The following GRPR variants were observed in gnomAD, a reference collection of about 807,000 sequenced individuals.
GRPR encodes the protein gastrin-releasing peptide receptor.
In GRPR, 4 loss-of-function variants were observed where a neutral mutation model predicts 15.6. The ratio of observed to expected loss-of-function variants is 0.26; its 90% CI spans 0.13 to 0.59. GRPR has a LOEUF of 0.59. GRPR is among the 20% of genes least tolerant of loss of function. The probability of loss-of-function intolerance (pLI) is 0.90; values close to 1 mark genes in which losing one functional copy is unlikely to be tolerated. For synonymous variants in GRPR, 128 were observed against 126.8 expected, an observed-to-expected ratio of 1.01 and a Z score of -0.06; for missense variants, 270 against 304.1, an observed-to-expected ratio of 0.89 and a Z score of 0.83.
intron 2 of GRPR, among the ~76,000 whole-genome samples, chrX:16,150,990 A>G (rs1433126632): frequency 1.8e-5 from 2 of 112,280 alleles, no homozygotes; most frequent in East Asian, 2.8e-4. Context: ...TTTAAACTCC[A>G]GTCACATTGT....
chrX:16,138,897 T>A (rs1273210855), intron 1 of GRPR, among the ~76,000 whole-genome samples: 1 of 112,323 alleles, frequency 8.9e-6, no homozygotes, highest in Non-Finnish European at 1.9e-5. Flanking sequence ...CAAGTCCCCT[T>A]ATTTTTGTCA....
At chrX:16,149,532 T>C (rs1922656887) in intron 1 of GRPR, among the ~76,000 whole-genome samples, 1 of 109,512 alleles carries the variant, frequency 9.1e-6, no homozygotes, top group South Asian at 4.0e-4. Flanking sequence ...GTATTACTTT[T>C]TCAAGGGACC....
At position 16,124,366 on chromosome X, in the gene GRPR, G is replaced by GGTAA. The variant is rs774782387; in HGVS notation, c.413+4_413+7dup. On this transcript the variant is annotated stop_gained and frameshift_variant and splice_region_variant. Transcript: ENST00000380289. LOFTEE classifies it high-confidence loss of function. ...ACACTCACGGCGCTCTCGGCAGACA[G>GGTAA]GTAAGTACAGGCTGAAAGTTACATG... is the stretch of plus-strand genomic sequence containing the variant. 1.7e-6 allele frequency: 2 copies of GGTAA among 1,205,118 alleles called. No individual in the cohort carries two copies. Among genetic ancestry groups the GGTAA allele is most frequent in the Non-Finnish European group, 2.2e-6 (2 of 889,819 alleles).
At chrX:16,129,149 A>G (rs1261778972) in intron 1 of GRPR, among the ~76,000 whole-genome samples, 1 of 112,081 alleles carries the variant, frequency 8.9e-6, no homozygotes, top group Non-Finnish European at 1.9e-5. Context: ...AAGACTGGTT[A>G]TAAGTTTCTT....
chrX:16,152,545 G>A lies in GRPR; in HGVS notation c.1055G>A (p.Gly352Glu), dbSNP rs1307536579. ...PGLIIRSHST[G>E]RSTTCMTSLK... ...CTGATCATCCGGTCTCACAGCACTG[G>A]AAGGAGTACAACCTGCATGACCTCC... The change falls in exon 3 of 3, where the codon GGA becomes GAA. Residue 352 changes from glycine (G) to glutamate (E), a missense_variant. Gly to Glu is a moderately conservative substitution (Grantham distance 98). Coordinates refer to ENST00000380289, the MANE Select transcript of GRPR (RefSeq NM_005314.3). The A allele has an allele frequency of 2.5e-6, 3 of 1,206,630 alleles. No individual in the cohort carries two copies. In the African/African-American group the frequency reaches 5.3e-5, roughly 21 times the overall value.
At chrX:16,129,553 CCTCT>C (rs1227206133) in intron 1 of GRPR, among the ~76,000 whole-genome samples, 2 of 111,508 alleles carry the variant, frequency 1.8e-5, no homozygotes, top group Non-Finnish European at 3.8e-5. Context: ...CACGTTTGCT[CCTCT>C]CTCTCACAGA....
chrX:16,139,803 G>A (rs1922504736), intron 1 of GRPR, among the ~76,000 whole-genome samples: 1 of 111,465 alleles, frequency 9.0e-6, no homozygotes, highest in African/African-American at 3.3e-5. Flanking sequence ...ACCTCTCAGT[G>A]CCTTCGTTTC....
At chrX:16,132,071 C>T (rs1251907273) in intron 1 of GRPR, among the ~76,000 whole-genome samples, 2 of 112,556 alleles carry the variant, frequency 1.8e-5, no homozygotes, top group East Asian at 5.5e-4. Flanking sequence ...AGTCCCTAAC[C>T]TGTAGTAGGT....
chrX:16,138,281 A>G (rs999555054), intron 1 of GRPR, among the ~76,000 whole-genome samples: 2 of 112,132 alleles, frequency 1.8e-5, no homozygotes, highest in Non-Finnish European at 3.8e-5. Flanking sequence ...GCATGAGCAG[A>G]GCACTGCCTG....
At chrX:16,135,375 T>A (rs1922433126) in intron 1 of GRPR, among the ~76,000 whole-genome samples, 1 of 112,534 alleles carries the variant, frequency 8.9e-6, no homozygotes, top group Admixed American at 9.4e-5. Flanking sequence ...TGTCTTTCTT[T>A]GTCTTCTTTC....
chrX:16,126,847 C>A (rs1462000230), intron 1 of GRPR, among the ~76,000 whole-genome samples: 1 of 111,790 alleles, frequency 8.9e-6, no homozygotes. Context: ...CTTCTAATAC[C>A]GATGGACACT....
chrX:16,128,129 C>G (rs1178517345), intron 1 of GRPR, among the ~76,000 whole-genome samples: 1 of 112,588 alleles, frequency 8.9e-6, no homozygotes, highest in African/African-American at 3.2e-5. Context: ...TAAATATTGA[C>G]TAATTAAAAT....
chrX:16,141,645 G>A (rs989950226), intron 1 of GRPR, among the ~76,000 whole-genome samples: 3 of 112,519 alleles, frequency 2.7e-5, no homozygotes, highest in African/African-American at 9.7e-5. Flanking sequence ...AAGTTTTCTG[G>A]AAAGTGTCTT....
rs745709663 is a variant in GRPR, at chrX:16,150,292, T to C, written c.414-13T>C. The C allele has an allele frequency of 3.6e-6, 4 of 1,106,040 alleles. No individual in the cohort carries two copies. In the Admixed American group the frequency reaches 8.7e-5, roughly 24 times the overall value. The allele number at this position is 1,106,040 out of a possible 1,213,427, so 91.2% of individuals were successfully genotyped here. ...ATTATGCAACTGATGGGGATGCTTC[T>C]TTCCTGCCCTAGATACAAAGCCATT... On this transcript the variant is annotated splice_polypyrimidine_tract_variant and intron_variant, in intron 1 of 2. Coordinates refer to ENST00000380289, the MANE Select transcript of GRPR (RefSeq NM_005314.3).
At chrX:16,132,238 G>C (rs1922387863) in intron 1 of GRPR, among the ~76,000 whole-genome samples, 1 of 112,498 alleles carries the variant, frequency 8.9e-6, no homozygotes, top group South Asian at 3.6e-4. Flanking sequence ...TTAACAGAGT[G>C]ATTGCAGGAG....
At chrX:16,124,917 A>C (rs1174605104) in intron 1 of GRPR, among the ~76,000 whole-genome samples, 2 of 112,652 alleles carry the variant, frequency 1.8e-5, no homozygotes, top group Non-Finnish European at 3.7e-5. Flanking sequence ...TGATAGAACA[A>C]TTGTATGCCG....
intron 1 of GRPR, 33 bp downstream of exon 1, chrX:16,124,399 A>T: frequency 8.7e-7 from 1 of 1,150,905 alleles, no homozygotes; most frequent in South Asian, 1.8e-5. Context: ...ATGCTCTCCA[A>T]GGGTGATAGA....
At chrX:16,148,743 G>C (rs1922644417) in intron 1 of GRPR, among the ~76,000 whole-genome samples, 1 of 111,193 alleles carries the variant, frequency 9.0e-6, no homozygotes, top group Admixed American at 9.5e-5. Context: ...CATACTCTTT[G>C]CCCACCAAAG....
At position 16,152,402 on chromosome X, in the gene GRPR, C is replaced by T. The variant is rs1186932268; in HGVS notation, c.912C>T (p.Ser304=). 8.3e-7 allele frequency: 1 copy of T among 1,211,085 alleles called. No homozygotes were observed. The highest frequency in any genetic ancestry group is 2.2e-5 in the Admixed American group (1 of 46,061). Residue 304 remains serine, a synonymous_variant, in exon 3 of 3, where the codon AGC becomes AGT. Coordinates refer to ENST00000380289, the MANE Select transcript of GRPR (RefSeq NM_005314.3). Reference sequence around the variant, plus strand: ...CCTCCATGCTCCACTTTGTCACCAGCATCTGTGCCCGCCTCCTGGCCTTCA... The same window carrying T: ...CCTCCATGCTCCACTTTGTCACCAGTATCTGTGCCCGCCTCCTGGCCTTCA... The part of the protein sequence containing the change: ...VDTSMLHFVT[S]ICARLLAFTN...
Sources: allele counts gnomAD v4.1 joint callset (sites outside exome capture counted in the v4.1 genomes callset), GRCh38; gene constraint gnomAD v4.1.1; transcripts MANE v1.5; gene names NCBI Gene and HGNC (gene_info 2026-07-23, HGNC 2026-07-21).